GPHN: variants seen among roughly 807,000 people sequenced by gnomAD.
The protein encoded by GPHN is gephyrin.
A neutral mutation model predicts 95.5 loss-of-function variants in GPHN; 17 were observed. The observed-to-expected ratio is 0.18, with a 90% CI of 0.12 to 0.27. The LOEUF (loss-of-function observed/expected upper bound fraction) is 0.27. Among genes scored for constraint, GPHN ranks in the 10% least tolerant of loss-of-function variants. The pLI is 1.00. For missense variants in GPHN, 660 were observed against 978.1 expected (o/e 0.67, Z 4.34); for synonymous variants, 320 against 322.5 (o/e 0.99, Z 0.08).
chr14:67,645,323 T>C, the GPHN span, among the ~76,000 whole-genome samples: 2 of 152,176 alleles, frequency 1.3e-5, no homozygotes, highest in African/African-American at 4.8e-5. Flanking sequence ...TTAACTTGAT[T>C]TCATTCATTG....
At chr14:67,594,449 C>G in the GPHN span, among the ~76,000 whole-genome samples, 1 of 152,122 alleles carries the variant, frequency 6.6e-6, no homozygotes, top group East Asian at 1.9e-4. Flanking sequence ...GAGATCGAGA[C>G]CATCCTGGCC....
chr14:66,529,332 C>T (rs1024460578), intron 1 of GPHN, among the ~76,000 whole-genome samples: 4 of 152,006 alleles, frequency 2.6e-5, no homozygotes, highest in African/African-American at 7.2e-5. Context: ...TTATGTTCTT[C>T]TCTAAACTGG....
At chr14:67,304,691 A>G in the GPHN span, among the ~76,000 whole-genome samples, 2 of 152,248 alleles carry the variant, frequency 1.3e-5, no homozygotes, top group African/African-American at 2.4e-5. Context: ...TTTTGAGGGC[A>G]TAAGTATGTT....
At chr14:67,364,889 A>G in the GPHN span, 1 of 1,614,090 alleles carries the variant, frequency 6.2e-7, no homozygotes, top group Non-Finnish European at 8.5e-7. Context: ...GAATACAACA[A>G]CATTGAAGGC....
At chr14:67,381,391 A>T in the GPHN span, among the ~76,000 whole-genome samples, 1 of 152,220 alleles carries the variant, frequency 6.6e-6, no homozygotes, top group African/African-American at 2.4e-5. Context: ...AAACCGTTTT[A>T]GATAAGTTGC....
intron 1 of GPHN, among the ~76,000 whole-genome samples, chr14:66,573,451 T>C (rs1239313066): frequency 1.6e-5 from 2 of 128,928 alleles, no homozygotes; most frequent in African/African-American, 5.7e-5. Flanking sequence ...TATAATAACC[T>C]TTTTTTTTTT....
At chr14:67,592,757 ACTCATTTTGCATT>A in the GPHN span, 1 of 1,181,400 alleles carries the variant, frequency 8.5e-7, no homozygotes, top group Admixed American at 1.9e-5. Flanking sequence ...TCTAAGTGAA[ACTCATTTTGCATT>A]CTTTTTTTCT....
chr14:67,639,037 G>A, the GPHN span, among the ~76,000 whole-genome samples: 11 of 149,876 alleles, frequency 7.3e-5, no homozygotes, highest in Non-Finnish European at 1.3e-4. Context: ...ACCCCCGACA[G>A]AAGTTAGTAA....
intron 5 of GPHN, among the ~76,000 whole-genome samples, chr14:66,902,389 C>T (rs1283335096): frequency 6.6e-6 from 1 of 151,748 alleles, no homozygotes; most frequent in African/African-American, 2.4e-5. Context: ...TTGCTCTGGC[C>T]AGGACTTCCA....
At chr14:66,593,238 G>A (rs768434174) in intron 1 of GPHN, among the ~76,000 whole-genome samples, 1 of 151,220 alleles carries the variant, frequency 6.6e-6, no homozygotes, top group Non-Finnish European at 1.5e-5. Flanking sequence ...CATAGCATGT[G>A]TATGTATACC....
chr14:66,803,909 C>A (rs1240827456), intron 3 of GPHN, among the ~76,000 whole-genome samples: 1 of 151,998 alleles, frequency 6.6e-6, no homozygotes, highest in Non-Finnish European at 1.5e-5. Flanking sequence ...ACCATTTCAT[C>A]CATTTTGTTA....
chr14:67,031,107 C>G (rs985420534), intron 10 of GPHN, among the ~76,000 whole-genome samples: 2 of 152,126 alleles, frequency 1.3e-5, no homozygotes, highest in Non-Finnish European at 2.9e-5. Flanking sequence ...TTCATTCTCA[C>G]TACTGCCACC....
chr14:66,508,281 T>G lies in GPHN; in HGVS notation c.-247T>G. The stretch of plus-strand genomic sequence containing the variant: ...CACCGCGCCCCCCAAGCTTGCCTCC[T>G]TCTTGCCGGACTTGGGGCCGCGCGC... On this transcript the variant is annotated 5_prime_UTR_variant, in exon 1 of 23. Coordinates refer to ENST00000478722, the MANE Select transcript of GPHN (RefSeq NM_020806.5). The G allele has an allele frequency of 1.7e-6, 1 of 579,496 alleles. No homozygotes were observed. The highest frequency in any genetic ancestry group is 3.1e-6 in the Non-Finnish European group (1 of 324,880). The allele number at this position is 579,496 out of a possible 1,614,324, so 35.9% of individuals were successfully genotyped here.
chr14:67,454,077 T>A, the GPHN span: 3 of 152,464 alleles, frequency 2.0e-5, no homozygotes, highest in Non-Finnish European at 4.4e-5. Context: ...CGGTGTCACT[T>A]ACAGGTTGTG....
chr14:67,389,739 G>C, the GPHN span, among the ~76,000 whole-genome samples: 1 of 151,480 alleles, frequency 6.6e-6, no homozygotes, highest in Admixed American at 6.6e-5. Context: ...GCTAGACCAT[G>C]GTGAGAGTTA....
chr14:66,725,072 C>T (rs920087035), intron 2 of GPHN, among the ~76,000 whole-genome samples: 3 of 152,110 alleles, frequency 2.0e-5, no homozygotes, highest in Non-Finnish European at 4.4e-5. Context: ...TGCAATAGGA[C>T]GGTGGCCTTA....
At chr14:67,407,278 C>A in the GPHN span, among the ~76,000 whole-genome samples, 1 of 151,904 alleles carries the variant, frequency 6.6e-6, no homozygotes, top group Non-Finnish European at 1.5e-5. Flanking sequence ...CCCATCACCA[C>A]ACCTGGCTAA....
intron 5 of GPHN, among the ~76,000 whole-genome samples, chr14:66,895,651 T>C (rs1249222141): frequency 6.6e-6 from 1 of 152,084 alleles, no homozygotes; most frequent in Admixed American, 6.6e-5. Context: ...AATCAAGAAT[T>C]TTACACTCAG....
At chr14:67,007,546 C>T (rs549344724) in intron 9 of GPHN, among the ~76,000 whole-genome samples, 37 of 152,292 alleles carry the variant, frequency 2.4e-4, no homozygotes, top group Admixed American at 1.0e-3. Flanking sequence ...AAGGGAAAGT[C>T]AAAATAATCT....
Sources: gnomAD v4.1 joint callset for allele counts (sites outside exome capture counted in the v4.1 genomes callset) on GRCh38, gnomAD v4.1.1 for gene constraint, MANE v1.5 for transcripts, NCBI Gene and HGNC (gene_info 2026-07-23, HGNC 2026-07-21) for gene names.